The following MYO18B variants were observed in gnomAD, a reference collection of about 807,000 sequenced individuals.
The protein encoded by MYO18B is myosin XVIIIB.
Under a neutral mutation model 273.0 loss-of-function variants are expected in MYO18B, and 204 were observed. The observed-to-expected ratio is 0.75, with a 90% CI of 0.67 to 0.84. The LOEUF is 0.84. Among genes scored for constraint, MYO18B ranks in the 40% least tolerant of loss-of-function variants. MYO18B has a pLI of 0.00. For synonymous variants in MYO18B, 1,330 were observed against 1,305.7 expected (o/e 1.02, Z -0.40); for missense variants, 3,212 against 3,287.6 (o/e 0.98, Z 0.56).
chr22:25,789,349 A>G (rs2087551485), intron 11 of MYO18B, among the ~76,000 whole-genome samples: 1 of 151,984 alleles, frequency 6.6e-6, no homozygotes, highest in South Asian at 2.1e-4. Context: ...AAAAAACTAA[A>G]TTATGGCTGG....
At chr22:25,787,272 G>GCACACACACACACACACACA (rs10598069) in intron 11 of MYO18B, among the ~76,000 whole-genome samples, 1 of 136,582 alleles carries the variant, frequency 7.3e-6, no homozygotes, top group African/African-American at 2.6e-5. Context: ...GCAGGCGCGC[G>GCACACACACACACACACACA]CACACACACA....
intron 34 of MYO18B, among the ~76,000 whole-genome samples, chr22:25,937,239 C>G (rs1355963621): frequency 1.3e-5 from 2 of 151,848 alleles, no homozygotes; most frequent in African/African-American, 4.8e-5. Flanking sequence ...TGTGCACCAC[C>G]ATGCCCGGCT....
intron 32 of MYO18B, among the ~76,000 whole-genome samples, chr22:25,910,392 C>T (rs2092132030): frequency 6.6e-6 from 1 of 152,054 alleles, no homozygotes; most frequent in African/African-American, 2.4e-5. Context: ...GAAAGCTCTA[C>T]CTTCATGGCC....
rs535153791 is a variant in MYO18B at position 25,939,318 on chromosome 22, A to G, written c.5518-6819A>G. ...GGTTTGGCTAGATCTAGGTACCCCA[A>G]TCATGTCATCAAGATTATGTCTCTG... On this transcript the variant is annotated intron_variant, in intron 34 of 43. Transcript: ENST00000335473. Among the ~76,000 whole-genome samples, 386 of 152,344 alleles carry G rather than the reference A, an allele frequency of 2.5e-3. 1 individual carries two copies. Among genetic ancestry groups the G allele is most frequent in the African/African-American group, 9.1e-3 (380 of 41,580 alleles).
At position 25,891,352 on chromosome 22, in the gene MYO18B, T is replaced by C; in HGVS notation, c.4483T>C (p.Leu1495=). 1 of 1,585,380 alleles carries C rather than the reference T, an allele frequency of 6.3e-7. No individual in the cohort carries two copies. The highest frequency in any genetic ancestry group is 8.6e-7 in the Non-Finnish European group (1 of 1,165,524). ...QKKLGDVNKQ[L]EEAQQKIQLN... Reference sequence around the variant, plus strand: ...AAAACTGGGAGATGTGAATAAACAGTTGGAAGAAGCCCAGCAGAAAATTCA... The same window carrying C: ...AAAACTGGGAGATGTGAATAAACAGCTGGAAGAAGCCCAGCAGAAAATTCA... Residue 1495 remains leucine (L), a synonymous_variant, in exon 27 of 44, where the codon TTG becomes CTG. Transcript: ENST00000335473.
chr22:25,983,451 G>A (rs1386215237), intron 39 of MYO18B: 4 of 152,284 alleles, frequency 2.6e-5, no homozygotes, highest in African/African-American at 4.8e-5. Context: ...TGCAAATCAC[G>A]TAAGTGAACA....
At chr22:25,759,286 TG>T (rs1397464059) in intron 1 of MYO18B, among the ~76,000 whole-genome samples, 1 of 152,060 alleles carries the variant, frequency 6.6e-6, no homozygotes, top group Non-Finnish European at 1.5e-5. Context: ...CGAACCCCAA[TG>T]TCCATCAGTG....
intron 11 of MYO18B, among the ~76,000 whole-genome samples, chr22:25,792,167 A>AC (rs2087690717): frequency 6.6e-6 from 1 of 152,050 alleles, no homozygotes; most frequent in South Asian, 2.1e-4. Flanking sequence ...ACACTTACTG[A>AC]CCGTGCCCTT....
intron 12 of MYO18B, among the ~76,000 whole-genome samples, chr22:25,815,813 T>G (rs1332510272): frequency 1.3e-5 from 2 of 152,246 alleles, no homozygotes; most frequent in African/African-American, 4.8e-5. Flanking sequence ...AGTTTGATGT[T>G]GCTCCAACTG....
intron 34 of MYO18B, among the ~76,000 whole-genome samples, chr22:25,926,395 C>G (rs1430795930): frequency 6.6e-6 from 1 of 151,788 alleles, no homozygotes; most frequent in Non-Finnish European, 1.5e-5. Context: ...AGTGATTCTC[C>G]TGTCTCAGCC....
chr22:26,049,716 A>T, the MYO18B span, among the ~76,000 whole-genome samples: 2 of 152,208 alleles, frequency 1.3e-5, no homozygotes, highest in Non-Finnish European at 2.9e-5. Context: ...ATGAATAATC[A>T]CTGGGCCGGG....
chr22:25,860,691 TA>T (rs1175446059), intron 21 of MYO18B, among the ~76,000 whole-genome samples: 2 of 152,200 alleles, frequency 1.3e-5, no homozygotes, highest in Non-Finnish European at 1.5e-5. Flanking sequence ...GAACATATGT[TA>T]TATGATTTCA....
intron 42 of MYO18B, among the ~76,000 whole-genome samples, chr22:26,019,330 G>T (rs1166155772): frequency 6.6e-6 from 1 of 152,258 alleles, no homozygotes; most frequent in Admixed American, 6.5e-5. Flanking sequence ...AGGACTCCTT[G>T]GTTTAAATCC....
chr22:25,742,683 A>T (rs948649571), intron 1 of MYO18B, among the ~76,000 whole-genome samples: 1 of 152,162 alleles, frequency 6.6e-6, no homozygotes, highest in East Asian at 1.9e-4. Context: ...TTTCTGCTTC[A>T]CTGGTGTTCA....
chr22:25,991,794 A>G (rs552143059), intron 39 of MYO18B, among the ~76,000 whole-genome samples: 63 of 152,326 alleles, frequency 4.1e-4, no homozygotes, highest in African/African-American at 1.2e-3. Flanking sequence ...CTCTGGCCAC[A>G]GAAAGAGCTC....
At chr22:25,862,921 T>C (rs959768884) in intron 21 of MYO18B, among the ~76,000 whole-genome samples, 7 of 152,094 alleles carry the variant, frequency 4.6e-5, no homozygotes, top group Non-Finnish European at 8.8e-5. Context: ...CTTTCTCCTC[T>C]TCTTCTGAGA....
intron 21 of MYO18B, among the ~76,000 whole-genome samples, chr22:25,858,858 G>A (rs1000844592): frequency 4.6e-5 from 7 of 152,160 alleles, no homozygotes; most frequent in Admixed American, 6.5e-5. Context: ...TTGTGAATTC[G>A]AAGTGGGATA....
At chr22:25,995,026 A>G (rs1338466738) in intron 40 of MYO18B, among the ~76,000 whole-genome samples, 1 of 152,236 alleles carries the variant, frequency 6.6e-6, no homozygotes, top group Non-Finnish European at 1.5e-5. Context: ...GTGCAACAAG[A>G]AGCAAGGGAC....
intron 15 of MYO18B, among the ~76,000 whole-genome samples, chr22:25,831,050 C>T (rs552609514): frequency 5.9e-5 from 9 of 152,294 alleles, no homozygotes; most frequent in East Asian, 3.9e-4. Context: ...TCTCCTTTGG[C>T]GCTTCTATCC....
Sources: allele counts gnomAD v4.1 joint callset (sites outside exome capture counted in the v4.1 genomes callset), GRCh38; gene constraint gnomAD v4.1.1; transcripts MANE v1.5; gene names NCBI Gene and HGNC (gene_info 2026-07-23, HGNC 2026-07-21).